RYR2: variants seen among roughly 807,000 people sequenced by gnomAD.
RYR2 encodes the protein ryanodine receptor 2, also known as cardiac muscle ryanodine receptor-calcium release channel.
A neutral mutation model predicts 601.1 loss-of-function variants in RYR2; 227 were observed. The observed-to-expected ratio is 0.38, with a 90% CI of 0.34 to 0.42. RYR2 has a LOEUF of 0.42. RYR2 is among the 10% of genes least tolerant of loss of function. RYR2 has a pLI of 1.00. For synonymous variants in RYR2, 2,223 were observed against 2,175.1 expected, an observed-to-expected ratio of 1.02 and a Z score of -0.61; for missense variants, 4,646 against 6,156.5, an observed-to-expected ratio of 0.75 and a Z score of 8.21.
At chr1:237,267,546 GAAGAA>G (rs1484588618) in intron 1 of RYR2, 2 of 235,080 alleles carry the variant, frequency 8.5e-6, no homozygotes, top group African/African-American at 4.7e-5. Context: ...GAAGAGAAGA[GAAGAA>G]AAGAAACTCG....
intron 72 of RYR2, 133 bp from the exon 73 acceptor site, chr1:237,718,329 T>C: frequency 2.0e-6 from 1 of 496,400 alleles, no homozygotes; most frequent in Non-Finnish European, 3.6e-6. Flanking sequence ...ATGCCCCAAA[T>C]TTGTAGCATG....
At chr1:237,151,458 A>T (rs991693666) in intron 1 of RYR2, among the ~76,000 whole-genome samples, 1 of 152,202 alleles carries the variant, frequency 6.6e-6, no homozygotes, top group African/African-American at 2.4e-5. Flanking sequence ...GCAATAATTC[A>T]AATTAAGTGA....
chr1:237,504,829 G>A (rs936263689), intron 22 of RYR2, among the ~76,000 whole-genome samples: 2 of 152,094 alleles, frequency 1.3e-5, no homozygotes, highest in Non-Finnish European at 2.9e-5. Context: ...CCACGAGCCG[G>A]TGGGCTGGGG....
At chr1:237,789,076 A>G (rs908518098) in intron 92 of RYR2, among the ~76,000 whole-genome samples, 3 of 151,712 alleles carry the variant, frequency 2.0e-5, no homozygotes, top group Non-Finnish European at 4.4e-5. Context: ...TATAATTTTT[A>G]TAAGGGAGGA....
chr1:237,370,669 T>G (rs1170450764), intron 6 of RYR2, among the ~76,000 whole-genome samples: 4 of 151,370 alleles, frequency 2.6e-5, no homozygotes, highest in Non-Finnish European at 5.9e-5. Flanking sequence ...CCATTTTTTT[T>G]TTTTTTTTTG....
intron 25 of RYR2, among the ~76,000 whole-genome samples, chr1:237,535,653 T>C (rs1360862525): frequency 2.0e-5 from 3 of 152,108 alleles, no homozygotes; most frequent in Non-Finnish European, 4.4e-5. Context: ...AAAAGGGAAG[T>C]TATAGTCCAT....
intron 47 of RYR2, among the ~76,000 whole-genome samples, chr1:237,641,471 GTCTTTCTTTCTTTCTTTCTT>G (rs796832994): frequency 3.0e-4 from 33 of 108,708 alleles, no homozygotes; most frequent in South Asian, 2.2e-3. Flanking sequence ...GTGTCTGTCT[GTCTTTCTTTCTTTCTTTCTT>G]TCTTTCTTTC....
In RYR2 at chr1:237,792,137, G is replaced by A. The variant is rs1658449915; in HGVS notation, c.13596G>A (p.Glu4532=). The A allele has an allele frequency of 3.7e-6, 6 of 1,605,826 alleles. No homozygotes were observed. In the East Asian group the frequency reaches 1.3e-4, roughly 36 times the overall value. ...CTTCTTCTGTGGTTGAAGGAAAGGA[G>A]CTCCCCACGAGAAGTTCAAGTGAAA... ...VSTSSVVEGK[E]LPTRSSSENA... The change falls in exon 94 of 105, where the codon GAG becomes GAA. Residue 4532 remains glutamate, a synonymous_variant. Transcript: ENST00000366574.
At chr1:237,273,725 G>A (rs1210144183) in intron 2 of RYR2, among the ~76,000 whole-genome samples, 1 of 151,446 alleles carries the variant, frequency 6.6e-6, no homozygotes, top group Non-Finnish European at 1.5e-5. Flanking sequence ...TTAGCTATTT[G>A]CAATATTGGT....
rs182537486 is a variant in RYR2 at position 237,120,152 on chromosome 1, A to C, written c.48+77583A>C. On this transcript the variant is annotated intron_variant, in intron 1 of 104. Transcript: ENST00000366574. ...TGACCCTCAGTTTCATTATCTATAA[A>C]ATGGTTTAATAGTCATTTTTTTTTA... 3.1e-4 allele frequency among the ~76,000 whole-genome samples: 47 copies of C among 152,296 alleles called. 4 individuals carry two copies. Among genetic ancestry groups the C allele is most frequent in the East Asian group, 2.5e-3 (13 of 5,186 alleles).
At chr1:237,504,476 G>A (rs1379638945) in intron 22 of RYR2, among the ~76,000 whole-genome samples, 2 of 152,182 alleles carry the variant, frequency 1.3e-5, no homozygotes, top group Admixed American at 6.5e-5. Context: ...ATGGTGGAAT[G>A]TCATCAGTTA....
intron 1 of RYR2, among the ~76,000 whole-genome samples, chr1:237,166,201 A>G (rs1468162607): frequency 6.6e-6 from 1 of 152,172 alleles, no homozygotes; most frequent in Non-Finnish European, 1.5e-5. Context: ...TCAAGGGCCA[A>G]TGCCAGTCAT....
chr1:237,730,290 A>G lies in RYR2; in HGVS notation c.10869A>G (p.Gly3623=). ...RHRAVNLFLQ[G]YEKSWIETEE... ...GGGCTGTCAATCTCTTTCTTCAGGG[A>G]TATGAAAAGTCTTGGATTGAAACAG... Residue 3623 remains glycine (G), a synonymous_variant, in exon 77 of 105, where the codon GGA becomes GGG. Transcript: ENST00000366574. 1 of 1,607,812 alleles carries G rather than the reference A, an allele frequency of 6.2e-7. No individual in the cohort carries two copies. Among genetic ancestry groups the G allele is most frequent in the Non-Finnish European group, 8.5e-7 (1 of 1,174,490 alleles).
chr1:237,781,792 T>G, intron 89 of RYR2, 146 bp downstream of exon 89: 1 of 469,908 alleles, frequency 2.1e-6, no homozygotes. Flanking sequence ...ATTATTCTTT[T>G]TCTCACATTA....
intron 1 of RYR2, among the ~76,000 whole-genome samples, chr1:237,200,197 T>A (rs891651634): frequency 6.6e-6 from 1 of 152,324 alleles, no homozygotes; most frequent in East Asian, 1.9e-4. Context: ...TGCCTCTTTA[T>A]TTTTAATAGC....
intron 58 of RYR2, among the ~76,000 whole-genome samples, chr1:237,671,334 A>T (rs1056791034): frequency 1.3e-5 from 2 of 152,164 alleles, no homozygotes; most frequent in African/African-American, 4.8e-5. Flanking sequence ...CAGAGCAGAA[A>T]CGACATGTGT....
chr1:237,435,229 T>C (rs1438125842), intron 12 of RYR2, among the ~76,000 whole-genome samples: 1 of 152,258 alleles, frequency 6.6e-6, no homozygotes, highest in East Asian at 1.9e-4. Context: ...AACAATGTGC[T>C]GAGCACCTTT....
At chr1:237,265,308 T>C (rs1485094647) in intron 1 of RYR2, among the ~76,000 whole-genome samples, 11 of 152,142 alleles carry the variant, frequency 7.2e-5, no homozygotes, top group Admixed American at 5.9e-4. Flanking sequence ...CCTTGTAGGC[T>C]GAAGGATTTT....
chr1:237,452,230 A>C (rs912886264), intron 14 of RYR2, among the ~76,000 whole-genome samples: 19 of 146,540 alleles, frequency 1.3e-4, no homozygotes, highest in African/African-American at 4.7e-4. Flanking sequence ...TGGATATATT[A>C]TGTAGTATAT....
Sources: gnomAD v4.1 joint callset for allele counts (sites outside exome capture counted in the v4.1 genomes callset) on GRCh38, gnomAD v4.1.1 for gene constraint, MANE v1.5 for transcripts, NCBI Gene and HGNC (gene_info 2026-07-23, HGNC 2026-07-21) for gene names.